Variants in PTPRS observed in about 807,000 individuals in gnomAD.
PTPRS encodes the protein protein tyrosine phosphatase receptor type S.
A neutral mutation model predicts 215.3 loss-of-function variants in PTPRS; 63 were observed. The ratio of observed to expected loss-of-function variants is 0.29; its 90% CI spans 0.24 to 0.36. The LOEUF is 0.36. Among genes scored for constraint, PTPRS ranks in the 10% least tolerant of loss-of-function variants. The probability of loss-of-function intolerance (pLI) is 1.00; values close to 1 mark genes in which losing one functional copy is unlikely to be tolerated. For missense variants in PTPRS, 2,258 were observed against 2,825.8 expected, an observed-to-expected ratio of 0.80 and a Z score of 4.56; for synonymous variants, 1,404 against 1,191.4, an observed-to-expected ratio of 1.18 and a Z score of -3.68.
intron 1 of PTPRS, among the ~76,000 whole-genome samples, chr19:5,307,264 T>C (rs564632550): frequency 1.3e-3 from 192 of 152,302 alleles, no homozygotes; most frequent in Non-Finnish European, 2.0e-3. Flanking sequence ...GCTGAGATCA[T>C]GCCATTGCAC....
intron 9 of PTPRS, 61 bp from the exon 10 acceptor site, chr19:5,246,106 T>G (rs1599666897): frequency 7.1e-6 from 7 of 981,170 alleles, no homozygotes; most frequent in East Asian, 3.2e-5. Flanking sequence ...GGGGTGAGGT[T>G]GGGAGGGGAA....
intron 9 of PTPRS, among the ~76,000 whole-genome samples, chr19:5,246,850 C>A (rs1322253288): frequency 6.6e-6 from 1 of 151,930 alleles, no homozygotes; most frequent in African/African-American, 2.4e-5. Context: ...TCAATAGATG[C>A]AGCTCTGAGT....
chr19:5,331,269 C>T (rs1281707586), intron 1 of PTPRS, among the ~76,000 whole-genome samples: 1 of 151,686 alleles, frequency 6.6e-6, no homozygotes, highest in Non-Finnish European at 1.5e-5. Context: ...TAGCTGGGAC[C>T]GTACGTGTGC....
chr19:5,207,046 G>A (rs558967663), intron 37 of PTPRS, among the ~76,000 whole-genome samples: 12 of 152,274 alleles, frequency 7.9e-5, no homozygotes, highest in African/African-American at 9.6e-5. Flanking sequence ...CACCCGGAAC[G>A]CCCTCTCCTC....
At chr19:5,333,074 G>A (rs1015473576) in intron 1 of PTPRS, among the ~76,000 whole-genome samples, 37 of 152,076 alleles carry the variant, frequency 2.4e-4, no homozygotes, top group African/African-American at 8.7e-4. Flanking sequence ...ACTTGAACCC[G>A]GGAGGCGGAG....
intron 9 of PTPRS, chr19:5,250,964 GCTCTGCT>G (rs2146103186): frequency 1.3e-5 from 1 of 76,150 alleles, no homozygotes; most frequent in Admixed American, 1.4e-4. Context: ...GGGGGGGGGG[GCTCTGCT>G]GGGCATTTTG....
chr19:5,278,167 T>G, intron 2 of PTPRS: 1 of 113,898 alleles, frequency 8.8e-6, no homozygotes, highest in South Asian at 1.7e-4. Context: ...TGTGTTTAAA[T>G]AAATGTAGAA....
intron 2 of PTPRS, among the ~76,000 whole-genome samples, chr19:5,284,094 C>T (rs1250386668): frequency 6.6e-6 from 1 of 152,028 alleles, no homozygotes; most frequent in Admixed American, 6.6e-5. Flanking sequence ...GGCTCAGTGG[C>T]TCATGCCTGT....
rs150472995 is a variant in PTPRS at position 5,218,550 on chromosome 19, G to C, written c.3936-18C>G. ...TGCGTTTACTTTAGGAGAAGCAAGC[G>C]GAACAGTCCAGTTAGTAGTGGCACA... On this transcript the variant is annotated intron_variant, in intron 24 of 37. Transcript: ENST00000262963. 18 of 1,610,506 alleles carry C rather than the reference G, an allele frequency of 1.1e-5. No individual in the cohort carries two copies. Among genetic ancestry groups the C allele is most frequent in the Admixed American group, 3.3e-5 (2 of 59,992 alleles).
chr19:5,226,654 C>G (rs1380276902), intron 16 of PTPRS, among the ~76,000 whole-genome samples: 1 of 151,642 alleles, frequency 6.6e-6, no homozygotes, highest in Non-Finnish European at 1.5e-5. Context: ...GTGGCTGAGG[C>G]AGGAGGATCA....
intron 2 of PTPRS, 106 bp from the exon 3 acceptor site, chr19:5,274,450 GC>G: frequency 7.8e-7 from 1 of 1,285,954 alleles, no homozygotes; most frequent in South Asian, 1.5e-5. Context: ...CCACGGAAGT[GC>G]CATGTGGCCA....
At chr19:5,261,073 T>C (rs934308907) in intron 6 of PTPRS, among the ~76,000 whole-genome samples, 14 of 151,950 alleles carry the variant, frequency 9.2e-5, no homozygotes, top group African/African-American at 3.4e-4. Context: ...CGGGAATCTC[T>C]GGGGGTGGAG....
chr19:5,274,391 T>C (rs2047179897), intron 2 of PTPRS, 47 bp from the exon 3 acceptor site: 2 of 1,575,006 alleles, frequency 1.3e-6, no homozygotes, highest in Admixed American at 1.7e-5. Context: ...GGTCCAGGCA[T>C]CTGGCTAGGA....
intron 20 of PTPRS, among the ~76,000 whole-genome samples, 199 bp from the exon 21 acceptor site, chr19:5,220,552 C>T (rs774244308): frequency 1.6e-4 from 25 of 152,316 alleles, no homozygotes; most frequent in Non-Finnish European, 1.0e-4. Context: ...GTACTTTCTG[C>T]GTAGAAGGCT....
intron 2 of PTPRS, 76 bp downstream of exon 2, chr19:5,285,974 C>T (rs1568568214): frequency 1.5e-6 from 2 of 1,354,922 alleles, no homozygotes; most frequent in Non-Finnish European, 2.1e-6. Flanking sequence ...GGGAGTGTGC[C>T]CACACACACA....
intron 16 of PTPRS, among the ~76,000 whole-genome samples, chr19:5,228,654 T>G (rs2042733763): frequency 6.6e-6 from 1 of 152,122 alleles, no homozygotes; most frequent in Admixed American, 6.5e-5. Flanking sequence ...AAGGGACCAG[T>G]GCCAATTTAA....
At position 5,239,030 on chromosome 19, in the gene PTPRS, C is replaced by G. The variant is rs374725933; in HGVS notation, c.1738G>C (p.Val580Leu). 6.2e-7 allele frequency: 1 copy of G among 1,613,478 alleles called. No homozygotes were observed. The highest frequency in any genetic ancestry group is 1.7e-5 in the Admixed American group (1 of 59,986). Residue 580 changes from valine (V) to leucine (L), a missense_variant, in exon 13 of 38, where the codon GTG becomes CTG. Transcript: ENST00000262963. Reference sequence around the variant, plus strand: ...GTGTTGGGCTTCAGGTCCTCCACCACGTAGGAAGTCGTCGGGTCGAAGGTC... The same window carrying G: ...GTGTTGGGCTTCAGGTCCTCCACCAGGTAGGAAGTCGTCGGGTCGAAGGTC... Reference protein sequence around the residue: ...GRTFDPTTSYVVEDLKPNTEY... With the variant: ...GRTFDPTTSYLVEDLKPNTEY...
intron 1 of PTPRS, among the ~76,000 whole-genome samples, chr19:5,314,108 A>G (rs994917373): frequency 4.6e-5 from 7 of 152,164 alleles, no homozygotes; most frequent in African/African-American, 1.4e-4. Flanking sequence ...ACTGCATTCC[A>G]GCCTGGGCAA....
At chr19:5,302,952 C>T (rs557668000) in intron 1 of PTPRS, among the ~76,000 whole-genome samples, 8 of 151,344 alleles carry the variant, frequency 5.3e-5, no homozygotes, top group Admixed American at 3.9e-4. Flanking sequence ...CGCCTGTAGT[C>T]CCAGCTACTC....
Sources: gnomAD v4.1 joint callset for allele counts (sites outside exome capture counted in the v4.1 genomes callset) on GRCh38, gnomAD v4.1.1 for gene constraint, MANE v1.5 for transcripts, NCBI Gene and HGNC (gene_info 2026-07-23, HGNC 2026-07-21) for gene names.